The following ETV6 variants were observed in gnomAD, a reference collection of about 807,000 sequenced individuals.
The protein encoded by ETV6 is transcription factor ETV6.
A neutral mutation model predicts 51.1 loss-of-function variants in ETV6; 16 were observed. That is an observed-to-expected ratio of 0.31 (90% CI 0.21 to 0.48). ETV6 has a LOEUF of 0.48. ETV6 is among the 20% of genes least tolerant of loss of function. The pLI is 0.99. For synonymous variants in ETV6, 240 were observed against 224.1 expected (o/e 1.07, Z -0.64); for missense variants, 458 against 594.8 (o/e 0.77, Z 2.39).
intron 1 of ETV6, among the ~76,000 whole-genome samples, chr12:11,667,540 T>TC (rs1555111944): frequency 3.4e-4 from 44 of 131,166 alleles, no homozygotes; most frequent in African/African-American, 7.8e-4. Context: ...TTATTTTCTT[T>TC]TTTTTTTTTT....
At chr12:11,733,407 CAAAAAAAAAA>C (rs11394100) in intron 1 of ETV6, among the ~76,000 whole-genome samples, 42 of 101,028 alleles carry the variant, frequency 4.2e-4, no homozygotes, top group South Asian at 1.9e-3. Context: ...GACTCCATCT[CAAAAAAAAAA>C]AAAAAAAAAA....
At chr12:11,742,801 CTTTCTTTTTTTTTTTTTT>C (rs1865834234) in intron 1 of ETV6, among the ~76,000 whole-genome samples, 1 of 63,046 alleles carries the variant, frequency 1.6e-5, no homozygotes, top group Non-Finnish European at 4.5e-5. Context: ...TCTTTTCTTT[CTTTCTTTTTTTTTTTTTT>C]TTTTGGAGAC....
At position 11,840,899 on chromosome 12, in the gene ETV6, C is replaced by G. The variant is rs544939448; in HGVS notation, c.328+1595C>G. On this transcript the variant is annotated intron_variant, in intron 3 of 7. Coordinates refer to ENST00000396373, the MANE Select transcript of ETV6 (RefSeq NM_001987.5). ...CTTTTGAATTTATTACAAAATACTTCCCTTTTCTATTCCAGTGGAAACTCA... is the reference window on the plus strand; with the variant it reads ...CTTTTGAATTTATTACAAAATACTTGCCTTTTCTATTCCAGTGGAAACTCA... The G allele has an allele frequency of 5.9e-5, 10 of 169,968 alleles. No homozygotes were observed. In the East Asian group the frequency reaches 9.5e-4, roughly 16 times the overall value. 10.5% of individuals were successfully genotyped at this position (169,968 alleles called of 1,614,324 possible). A position where few individuals can be genotyped will look rare whatever the true frequency, so the allele number is the denominator to read the frequency against.
chr12:11,662,688 G>T (rs1384107637), intron 1 of ETV6, among the ~76,000 whole-genome samples: 4 of 152,192 alleles, frequency 2.6e-5, no homozygotes, highest in Non-Finnish European at 5.9e-5. Flanking sequence ...TCTTATTTGG[G>T]TGCACTTTTG....
At chr12:11,860,159 G>A (rs191359624) in intron 4 of ETV6, among the ~76,000 whole-genome samples, 10 of 152,230 alleles carry the variant, frequency 6.6e-5, no homozygotes, top group Admixed American at 5.2e-4. Context: ...CCTCTCTACA[G>A]CGGCTTAGTA....
At chr12:11,663,519 G>A (rs897623312) in intron 1 of ETV6, among the ~76,000 whole-genome samples, 2 of 152,196 alleles carry the variant, frequency 1.3e-5, no homozygotes, top group Admixed American at 1.3e-4. Context: ...AGCATATAGA[G>A]GAAAAGATTA....
At chr12:11,664,153 C>T (rs1055580786) in intron 1 of ETV6, among the ~76,000 whole-genome samples, 4 of 152,164 alleles carry the variant, frequency 2.6e-5, no homozygotes, top group African/African-American at 9.7e-5. Flanking sequence ...AGTTGAACAT[C>T]AGTCCGTGCC....
intron 2 of ETV6, among the ~76,000 whole-genome samples, chr12:11,771,695 G>A (rs374927789): frequency 1.1e-4 from 16 of 152,198 alleles, no homozygotes; most frequent in African/African-American, 3.9e-4. Context: ...AATTCTGGCC[G>A]TGAAGTTTCA....
chr12:11,853,913 G>C (rs1471500972), intron 4 of ETV6, among the ~76,000 whole-genome samples: 1 of 152,176 alleles, frequency 6.6e-6, no homozygotes, highest in Non-Finnish European at 1.5e-5. Flanking sequence ...TTGGCACCAG[G>C]GACCAGTTTT....
At chr12:11,877,847 T>C (rs1174468563) in intron 5 of ETV6, among the ~76,000 whole-genome samples, 1 of 152,196 alleles carries the variant, frequency 6.6e-6, no homozygotes, top group African/African-American at 2.4e-5. Context: ...TGACTGTTAA[T>C]GAGACAACAT....
intron 1 of ETV6, among the ~76,000 whole-genome samples, chr12:11,716,329 TCAAAAAA>T (rs1477538315): frequency 4.4e-5 from 2 of 45,010 alleles, no homozygotes; most frequent in African/African-American, 2.4e-4. Flanking sequence ...AGACTCCTTC[TCAAAAAA>T]AAAAAAAAAA....
chr12:11,854,241 G>A (rs1946599226), intron 4 of ETV6, among the ~76,000 whole-genome samples: 2 of 152,006 alleles, frequency 1.3e-5, no homozygotes, highest in Admixed American at 1.3e-4. Context: ...TGCCGCTGCT[G>A]ATCTGACAGG....
intron 1 of ETV6, among the ~76,000 whole-genome samples, chr12:11,681,425 A>G (rs1249679154): frequency 1.3e-5 from 2 of 152,214 alleles, no homozygotes; most frequent in Admixed American, 6.5e-5. Context: ...GATGTGGAAA[A>G]TCAGGAAGTA....
In ETV6 at chr12:11,775,207, T is replaced by C. The variant is rs940579574; in HGVS notation, c.163+22628T>C. 3.3e-5 allele frequency among the ~76,000 whole-genome samples: 5 copies of C among 152,228 alleles called. No individual in the cohort carries two copies. The East Asian group carries it at 7.7e-4, about 23-fold the overall frequency. On this transcript the variant is annotated intron_variant, in intron 2 of 7. Coordinates refer to ENST00000396373, the MANE Select transcript of ETV6 (RefSeq NM_001987.5). The stretch of plus-strand genomic sequence containing the variant: ...CTGGGCTATTGAAGGGTAAAGCCGA[T>C]GTCCCTAGGACTGTGGCCTCAGGAA...
intron 1 of ETV6, among the ~76,000 whole-genome samples, chr12:11,738,770 CT>C (rs1865756498): frequency 6.6e-6 from 1 of 152,148 alleles, no homozygotes; most frequent in Non-Finnish European, 1.5e-5. Flanking sequence ...AGAGACTCAT[CT>C]TTCTTCTGAG....
At chr12:11,652,908 G>A (rs899972470) in intron 1 of ETV6, among the ~76,000 whole-genome samples, 2 of 152,092 alleles carry the variant, frequency 1.3e-5, no homozygotes, top group African/African-American at 2.4e-5. Flanking sequence ...TGCTCCCATC[G>A]CCTGGGGAAG....
rs549871728 is a variant in ETV6, at chr12:11,650,012, T to G, written c.-116T>G. The stretch of plus-strand genomic sequence containing the variant: ...CCGGGGCGGCTGCCGGGAGAGATGC[T>G]GGAAGAAACTTCTTAAATGACCGCG... On this transcript the variant is annotated 5_prime_UTR_variant, in exon 1 of 8. Coordinates refer to ENST00000396373, the MANE Select transcript of ETV6 (RefSeq NM_001987.5). The G allele has an allele frequency of 3.9e-5, 38 of 985,942 alleles. No individual in the cohort carries two copies. Among genetic ancestry groups the G allele is most frequent in the Non-Finnish European group, 5.8e-5 (36 of 621,304 alleles). 61.1% of individuals were successfully genotyped at this position (985,942 alleles called of 1,614,324 possible).
intron 4 of ETV6, among the ~76,000 whole-genome samples, chr12:11,856,995 A>G (rs998482465): frequency 6.6e-6 from 1 of 152,234 alleles, no homozygotes; most frequent in Admixed American, 6.5e-5. Context: ...GGATAGGTGG[A>G]TAGGAATGAC....
chr12:11,763,628 T>A (rs1252308241), intron 2 of ETV6, among the ~76,000 whole-genome samples: 1 of 152,268 alleles, frequency 6.6e-6, no homozygotes, highest in Non-Finnish European at 1.5e-5. Flanking sequence ...TGCACGCACG[T>A]GCTTTCGTTG....
Sources: allele counts gnomAD v4.1 joint callset (sites outside exome capture counted in the v4.1 genomes callset), GRCh38; gene constraint gnomAD v4.1.1; transcripts MANE v1.5; gene names NCBI Gene and HGNC (gene_info 2026-07-23, HGNC 2026-07-21).